The following RNF216 variants were observed in gnomAD, a reference collection of about 807,000 sequenced individuals.
RNF216 encodes the protein ring finger protein 216.
In RNF216, 72 loss-of-function variants were observed where a neutral mutation model predicts 110.8. The observed-to-expected ratio is 0.65, with a 90% confidence interval of 0.54 to 0.79. RNF216 has a LOEUF of 0.79. RNF216 is among the 30% of genes least tolerant of loss of function. The pLI is 0.00. For missense variants in RNF216, 1,342 were observed against 1,141.2 expected (o/e 1.18, Z -2.54); for synonymous variants, 495 against 407.5 (o/e 1.21, Z -2.59).
intron 7 of RNF216, 83 bp downstream of exon 7, chr7:5,729,349 C>T: frequency 7.2e-7 from 1 of 1,386,562 alleles, no homozygotes; most frequent in Non-Finnish European, 1.0e-6. Context: ...ATCCCAATTT[C>T]CACAAGCTGA....
At chr7:5,712,374 G>C (rs183131473) in intron 12 of RNF216, among the ~76,000 whole-genome samples, 1 of 152,032 alleles carries the variant, frequency 6.6e-6, no homozygotes, top group Admixed American at 6.6e-5. Context: ...TCAGGAGGCT[G>C]AGGCATGAGA....
At chr7:5,708,826 C>A (rs907005980) in intron 13 of RNF216, among the ~76,000 whole-genome samples, 2 of 152,116 alleles carry the variant, frequency 1.3e-5, no homozygotes, top group Non-Finnish European at 1.5e-5. Context: ...AGAAGCCAGT[C>A]CCTCAGGCAG....
intron 14 of RNF216, among the ~76,000 whole-genome samples, chr7:5,651,656 CTTT>C (rs11297322): frequency 6.9e-6 from 1 of 145,454 alleles, no homozygotes; most frequent in African/African-American, 2.5e-5. Flanking sequence ...TTCTTTTTTT[CTTT>C]TTTTTTTTGA....
In RNF216 at chr7:5,741,476, A is replaced by T. The variant is rs1794753760; in HGVS notation, c.541T>A (p.Leu181Met). The change falls in exon 4 of 17, where the codon TTG becomes ATG. Residue 181 changes from leucine (L) to methionine (M), a missense_variant. Coordinates refer to ENST00000389902, the MANE Select transcript of RNF216 (RefSeq NM_207111.4). Reference sequence around the variant, plus strand: ...GTGTAAAGAAGGCTACCTTCTTCCAAGATGATGACTTTCTGCTCTGATCTG... The same window carrying T: ...GTGTAAAGAAGGCTACCTTCTTCCATGATGATGACTTTCTGCTCTGATCTG... ...NPRSEQKVII[L>M]EEGSLLYTES... 1.2e-6 allele frequency: 2 copies of T among 1,614,190 alleles called. No homozygotes were observed.
intron 14 of RNF216, among the ~76,000 whole-genome samples, chr7:5,645,020 T>C (rs573278237): frequency 1.2e-4 from 18 of 152,108 alleles, no homozygotes; most frequent in African/African-American, 3.6e-4. Flanking sequence ...TTTCATCATA[T>C]TGGCCAGGGT....
In RNF216 at chr7:5,739,126, G is replaced by C. The variant is rs562998420; in HGVS notation, c.1121+150C>G. 3.2e-5 allele frequency: 30 copies of C among 936,782 alleles called. No individual in the cohort carries two copies. The African/African-American group carries it at 4.6e-4, about 14-fold the overall frequency. 58.0% of individuals were successfully genotyped at this position (936,782 alleles called of 1,614,324 possible). ...TTTGAGAAGATGAAAGAGTTCTGAAGATGGATGGTGGTGATAGTTGCATAA... is the reference window on the plus strand; with the variant it reads ...TTTGAGAAGATGAAAGAGTTCTGAACATGGATGGTGGTGATAGTTGCATAA... On this transcript the variant is annotated intron_variant, in intron 5 of 16. Coordinates refer to ENST00000389902, the MANE Select transcript of RNF216 (RefSeq NM_207111.4).
chr7:5,637,992 C>T (rs533060385), intron 15 of RNF216, among the ~76,000 whole-genome samples: 2 of 152,204 alleles, frequency 1.3e-5, no homozygotes, highest in South Asian at 2.1e-4. Context: ...AGGCCCTCCC[C>T]GCAACAACCT....
intron 14 of RNF216, among the ~76,000 whole-genome samples, chr7:5,651,065 T>C (rs1183908055): frequency 6.6e-6 from 1 of 152,222 alleles, no homozygotes; most frequent in Non-Finnish European, 1.5e-5. Context: ...TATATGTATA[T>C]AATTCCTGTA....
intron 5 of RNF216, among the ~76,000 whole-genome samples, chr7:5,733,939 C>T (rs1393021903): frequency 1.3e-5 from 2 of 152,146 alleles, no homozygotes; most frequent in Non-Finnish European, 2.9e-5. Flanking sequence ...GTCATTGCTG[C>T]TCAATTTTCC....
In RNF216 at chr7:5,680,351, T is replaced by C. The variant is rs973042930; in HGVS notation, c.2062-27841A>G. On this transcript the variant is annotated intron_variant, in intron 13 of 16. Coordinates refer to ENST00000389902, the MANE Select transcript of RNF216 (RefSeq NM_207111.4). This position sits in a 1 kb window ranked among gnomAD's most constrained non-coding sequence, Gnocchi z 4.3. ...TCCACTCCCCCAAGCCCAAGTCTCC[T>C]ACCCGAGTCCTCCACGTGGTGGGCT... 6.6e-6 allele frequency: 1 copy of C among 152,196 alleles called. No individual in the cohort carries two copies. Among genetic ancestry groups the C allele is most frequent in the African/African-American group, 2.4e-5 (1 of 41,442 alleles). 9.4% of individuals were successfully genotyped at this position (152,196 alleles called of 1,614,324 possible).
At chr7:5,669,025 T>C (rs140329267) in intron 13 of RNF216, among the ~76,000 whole-genome samples, 196 of 152,332 alleles carry the variant, frequency 1.3e-3, no homozygotes, top group African/African-American at 4.3e-3. Context: ...TTTAGTTCTG[T>C]GGACCTAATA....
At chr7:5,688,688 T>C (rs1791137309) in intron 13 of RNF216, among the ~76,000 whole-genome samples, 1 of 152,228 alleles carries the variant, frequency 6.6e-6, no homozygotes, top group Admixed American at 6.5e-5. Flanking sequence ...GTGTATCTTC[T>C]GGAGACTTCC....
At chr7:5,714,001 CTTTA>C (rs757575010) in intron 11 of RNF216, among the ~76,000 whole-genome samples, 9 of 152,272 alleles carry the variant, frequency 5.9e-5, no homozygotes, top group South Asian at 4.1e-4. Context: ...AAAACATAAA[CTTTA>C]TTTATTTATT....
chr7:5,753,160 A>G (rs962141263), intron 2 of RNF216, among the ~76,000 whole-genome samples, 181 bp from the exon 3 acceptor site: 1 of 152,232 alleles, frequency 6.6e-6, no homozygotes, highest in Non-Finnish European at 1.5e-5. Flanking sequence ...ACTTTTGCCA[A>G]TAACACATTT....
intron 14 of RNF216, among the ~76,000 whole-genome samples, chr7:5,642,044 AAG>A (rs1417892760): frequency 0.024 from 3,428 of 142,116 alleles, 97 homozygotes; most frequent in African/African-American, 0.053. Flanking sequence ...AAAAAAAAAA[AAG>A]AAAAAAAAAA....
chr7:5,641,443 G>C, intron 14 of RNF216, 67 bp from the exon 15 acceptor site: 3 of 1,237,372 alleles, frequency 2.4e-6, no homozygotes, highest in Non-Finnish European at 3.5e-6. Flanking sequence ...TGGCCATTAA[G>C]CATTTATTTA....
chr7:5,668,245 T>TG (rs1789657161), intron 13 of RNF216, among the ~76,000 whole-genome samples: 1 of 147,900 alleles, frequency 6.8e-6, no homozygotes, highest in Non-Finnish European at 1.5e-5. Flanking sequence ...TTTTTTGAGA[T>TG]GGAGTCTCGC....
intron 3 of RNF216, among the ~76,000 whole-genome samples, chr7:5,746,121 C>T (rs775296467): frequency 6.6e-6 from 1 of 152,108 alleles, no homozygotes; most frequent in Non-Finnish European, 1.5e-5. Context: ...TGGGAAGTAA[C>T]GTTTTCCTCA....
chr7:5,637,188 A>T (rs1229110037), intron 15 of RNF216, among the ~76,000 whole-genome samples: 2 of 152,192 alleles, frequency 1.3e-5, no homozygotes, highest in Non-Finnish European at 2.9e-5. Flanking sequence ...AGTCAGCAGA[A>T]GGGCTGTGCC....
Sources: gnomAD v4.1 joint callset for allele counts (sites outside exome capture counted in the v4.1 genomes callset) on GRCh38, gnomAD v4.1.1 for gene constraint, Gnocchi (gnomAD v3.1) non-coding constraint, MANE v1.5 for transcripts, NCBI Gene and HGNC (gene_info 2026-07-23, HGNC 2026-07-21) for gene names.